Variants in CIP2A observed in about 807,000 individuals in gnomAD.
The protein encoded by CIP2A is cellular inhibitor of PP2A.
A neutral mutation model predicts 110.9 loss-of-function variants in CIP2A; 103 were observed. The observed-to-expected ratio is 0.93, with a 90% CI of 0.79 to 1.09. CIP2A has a LOEUF of 1.09. Ranked by LOEUF, CIP2A falls within the 50% of genes least tolerant of loss-of-function variation. The probability of loss-of-function intolerance (pLI) is 0.00; values close to 1 mark genes in which losing one functional copy is unlikely to be tolerated. For missense variants in CIP2A, 1,088 were observed against 1,038.4 expected (o/e 1.05, Z -0.66); for synonymous variants, 381 against 361.6 (o/e 1.05, Z -0.61).
rs1938555826 is a variant in CIP2A, at chr3:108,575,431, TACACATAC to T, written c.894+832_894+839del. On this transcript the variant is annotated intron_variant, in intron 8 of 20. Coordinates refer to ENST00000295746, the MANE Select transcript of CIP2A (RefSeq NM_020890.3). Reference sequence around the variant, plus strand: ...GTATGTATACATATACATGTATACATACACATACATATATACATATACATGTATACATG... The same window carrying T: ...GTATGTATACATATACATGTATACATATATATACATATACATGTATACATG... Among the ~76,000 whole-genome samples the T allele has an allele frequency of 3.4e-5, 5 of 146,764 alleles. No individual in the cohort carries two copies. The South Asian group carries it at 1.1e-3, about 32-fold the overall frequency.
At chr3:108,577,186 A>C (rs1053977927) in intron 7 of CIP2A, among the ~76,000 whole-genome samples, 1 of 152,196 alleles carries the variant, frequency 6.6e-6, no homozygotes, top group Non-Finnish European at 1.5e-5. Flanking sequence ...AAATGTGTGA[A>C]GAAATAAGGT....
At chr3:108,569,313 A>C in intron 9 of CIP2A, 76 bp downstream of exon 9, 1 of 1,070,426 alleles carries the variant, frequency 9.3e-7, no homozygotes, top group South Asian at 1.3e-5. Context: ...TAAGTTTACA[A>C]AGAATGTTTT....
intron 18 of CIP2A, among the ~76,000 whole-genome samples, chr3:108,553,946 G>GTGCAGTGGCATGATCTTGTGC (rs1161418420): frequency 7.0e-6 from 1 of 142,106 alleles, no homozygotes; most frequent in Non-Finnish European, 1.6e-5. Context: ...CCAGGCTGGA[G>GTGCAGTGGCATGATCTTGTGC]TGCAGTGGCA....
chr3:108,580,032 G>C (rs1268633868), intron 5 of CIP2A, among the ~76,000 whole-genome samples: 1 of 152,198 alleles, frequency 6.6e-6, no homozygotes, highest in Non-Finnish European at 1.5e-5. Flanking sequence ...CACATGCAGA[G>C]TGGAAACAAA....
At position 108,575,863 on chromosome 3, in the gene CIP2A, CACGTATATATACTCATATACAT is replaced by C. The variant is rs1559699635; in HGVS notation, c.894+386_894+407del. Among the ~76,000 whole-genome samples the C allele has an allele frequency of 3.4e-4, 8 of 23,836 alleles. 1 individual carries two copies. The highest frequency in any genetic ancestry group is 3.4e-3 in the South Asian group (2 of 596). 15.6% of individuals were successfully genotyped at this position (23,836 alleles called of 152,430 possible). On this transcript the variant is annotated intron_variant, in intron 8 of 20. Transcript: ENST00000295746. Reference sequence around the variant, plus strand: ...ATATACTCATATACATGTGTATATACACGTATATATACTCATATACATGTGTATGAGTATATATACATATATA... The same window carrying C: ...ATATACTCATATACATGTGTATATACGTGTATGAGTATATATACATATATA...
chr3:108,575,477 C>A lies in CIP2A; in HGVS notation c.894+794G>T, dbSNP rs111066855. Among the ~76,000 whole-genome samples, 33 of 131,678 alleles carry A rather than the reference C, an allele frequency of 2.5e-4. 1 individual carries two copies. The highest frequency in any genetic ancestry group is 5.6e-4 in the Non-Finnish European group (33 of 58,546). The allele number at this position is 131,678 out of a possible 152,430, so 86.4% of individuals were successfully genotyped here. On this transcript the variant is annotated intron_variant, in intron 8 of 20. Transcript: ENST00000295746. ...ACATGTATACATGTGAGTATATATA[C>A]ACATATATGCACACATATGTATATA...
In CIP2A at chr3:108,551,112, A is replaced by G. The variant is rs1203221331; in HGVS notation, c.*37T>C. On this transcript the variant is annotated 3_prime_UTR_variant, in exon 21 of 21. Coordinates refer to ENST00000295746, the MANE Select transcript of CIP2A (RefSeq NM_020890.3). The stretch of plus-strand genomic sequence containing the variant: ...CCTCCAATAGATAAATACATCAAAA[A>G]TATCATGAGATTACAAATTCCAAAA... 1 of 1,279,274 alleles carries G rather than the reference A, an allele frequency of 7.8e-7. No homozygotes were observed. Among genetic ancestry groups the G allele is most frequent in the Non-Finnish European group, 1.1e-6 (1 of 938,586 alleles). 79.2% of individuals were successfully genotyped at this position (1,279,274 alleles called of 1,614,324 possible). A position where few individuals can be genotyped will look rare whatever the true frequency, so the allele number is the denominator to read the frequency against.
chr3:108,583,619 G>C (rs1474840890), intron 2 of CIP2A, among the ~76,000 whole-genome samples: 2 of 152,134 alleles, frequency 1.3e-5, no homozygotes, highest in African/African-American at 4.8e-5. Context: ...TGGGAGGTGT[G>C]AGGGGGAGCC....
At chr3:108,581,224 T>C (rs1938865032) in intron 5 of CIP2A, among the ~76,000 whole-genome samples, 191 bp downstream of exon 5, 1 of 152,230 alleles carries the variant, frequency 6.6e-6, no homozygotes, top group Non-Finnish European at 1.5e-5. Context: ...CAGTCTTCAA[T>C]ACAACATACA....
chr3:108,563,089 C>T (rs1938061601), intron 13 of CIP2A, 37 bp downstream of exon 13: 4 of 1,344,822 alleles, frequency 3.0e-6, no homozygotes, highest in East Asian at 2.3e-5. Context: ...GGTATTCCAA[C>T]ACCACAAGAG....
chr3:108,556,978 CTGTTA>C (rs1298902702), intron 17 of CIP2A, among the ~76,000 whole-genome samples: 1 of 152,112 alleles, frequency 6.6e-6, no homozygotes, highest in Non-Finnish European at 1.5e-5. Flanking sequence ...TGACTGCTGA[CTGTTA>C]TGAATACATA....
In CIP2A at chr3:108,560,659, G is replaced by T; in HGVS notation, c.1817C>A (p.Ser606Tyr). The change falls in exon 14 of 21, where the codon TCT (serine) becomes TAT (tyrosine). Residue 606 changes from serine to tyrosine, a missense_variant. Coordinates refer to ENST00000295746, the MANE Select transcript of CIP2A (RefSeq NM_020890.3). Reference protein sequence around the residue: ...NIEELIEKLQSGMVVKDQICD... With the variant: ...NIEELIEKLQYGMVVKDQICD... ...TATTTTTTCACTCACCACCATTCCA[G>T]ACTGAAGTTTCTCTATTAATTCTTC... The T allele has an allele frequency of 1.2e-6, 2 of 1,603,558 alleles. No individual in the cohort carries two copies. Among genetic ancestry groups the T allele is most frequent in the South Asian group, 2.2e-5 (2 of 89,594 alleles).
intron 20 of CIP2A, among the ~76,000 whole-genome samples, chr3:108,551,724 T>C (rs1937603740): frequency 6.6e-6 from 1 of 152,106 alleles, no homozygotes; most frequent in Non-Finnish European, 1.5e-5. Context: ...TCTGTTCTCA[T>C]CTTCCTGGTA....
intron 8 of CIP2A, among the ~76,000 whole-genome samples, chr3:108,575,586 GTA>G (rs1938576713): frequency 2.0e-5 from 3 of 147,422 alleles, no homozygotes; most frequent in African/African-American, 7.7e-5. Context: ...ATATACATGT[GTA>G]TATATACGTG....
intron 12 of CIP2A, 140 bp from the exon 13 acceptor site, chr3:108,563,384 G>A: frequency 3.2e-6 from 2 of 624,966 alleles, no homozygotes; most frequent in East Asian, 2.8e-5. Context: ...ATATATTATA[G>A]TCTATATAGT....
chr3:108,569,554 G>A lies in CIP2A; in HGVS notation c.948C>T (p.Leu316=), dbSNP rs773346826. The A allele has an allele frequency of 3.1e-6, 5 of 1,612,728 alleles. No homozygotes were observed. Among genetic ancestry groups the A allele is most frequent in the East Asian group, 4.5e-5 (2 of 44,800 alleles). Residue 316 remains leucine, a synonymous_variant, in exon 9 of 21, where the codon CTC becomes CTT. Transcript: ENST00000295746. Reference sequence around the variant, plus strand: ...GAGACTGTTCAAACATCATCTGAGTGAGCATATGGCGCAGCTGAGTCACTG... The same window carrying A: ...GAGACTGTTCAAACATCATCTGAGTAAGCATATGGCGCAGCTGAGTCACTG... ...FCSVTQLRHM[L]TQMMFEQSPP... is the part of the protein sequence containing the mutation.
chr3:108,580,633 T>C (rs963272873), intron 5 of CIP2A, among the ~76,000 whole-genome samples: 1 of 150,498 alleles, frequency 6.6e-6, no homozygotes, highest in South Asian at 2.1e-4. Context: ...TTAATATACT[T>C]TGTTTTTTTT....
intron 5 of CIP2A, 125 bp from the exon 6 acceptor site, chr3:108,579,813 G>A (rs1938802435): frequency 2.2e-6 from 1 of 453,964 alleles, no homozygotes; most frequent in Non-Finnish European, 3.8e-6. Context: ...TTAAATGATT[G>A]TTGCATTTAA....
intron 19 of CIP2A, among the ~76,000 whole-genome samples, chr3:108,552,996 C>A (rs758394469): frequency 6.6e-6 from 1 of 151,976 alleles, no homozygotes; most frequent in East Asian, 1.9e-4. Context: ...GAGATCCATA[C>A]CCCAAACATC....
Sources: gnomAD v4.1 joint callset for allele counts (sites outside exome capture counted in the v4.1 genomes callset) on GRCh38, gnomAD v4.1.1 for gene constraint, MANE v1.5 for transcripts, NCBI Gene and HGNC (gene_info 2026-07-23, HGNC 2026-07-21) for gene names.